The following ZBTB7C variants were observed in gnomAD, a reference collection of about 807,000 sequenced individuals.
ZBTB7C encodes zinc finger and BTB domain containing 7C.
In ZBTB7C, 8 loss-of-function variants were observed where a neutral mutation model predicts 25.7. The observed-to-expected ratio is 0.31, with a 90% CI of 0.18 to 0.56. The LOEUF is 0.56. ZBTB7C is among the 20% of genes least tolerant of loss of function. The pLI is 0.91. For synonymous variants in ZBTB7C, 394 were observed against 369.0 expected (o/e 1.07, Z -0.78); for missense variants, 824 against 855.2 (o/e 0.96, Z 0.46).
chr18:48,258,391 T>C (rs1157709365), intron 2 of ZBTB7C, among the ~76,000 whole-genome samples: 2 of 152,170 alleles, frequency 1.3e-5, no homozygotes, highest in South Asian at 2.1e-4. Flanking sequence ...ATATATAAGA[T>C]CAATGTATAA....
intron 2 of ZBTB7C, among the ~76,000 whole-genome samples, chr18:48,194,280 G>C (rs2145173906): frequency 6.6e-6 from 1 of 152,342 alleles, no homozygotes; most frequent in African/African-American, 2.4e-5. Context: ...AGACAGCCAG[G>C]GGAGGAGGGA....
chr18:48,196,171 A>G (rs1375842823), intron 2 of ZBTB7C, among the ~76,000 whole-genome samples: 1 of 152,166 alleles, frequency 6.6e-6, no homozygotes, highest in Non-Finnish European at 1.5e-5. Flanking sequence ...CAGACCTAGG[A>G]AGGCTACTTC....
chr18:48,042,100 C>G (rs2144170055), intron 3 of ZBTB7C, among the ~76,000 whole-genome samples: 1 of 152,294 alleles, frequency 6.6e-6, no homozygotes, highest in Middle Eastern at 3.4e-3. Context: ...TCAACTGGGA[C>G]AAAATGTGGC....
chr18:48,397,924 A>C (rs2048066948), intron 1 of ZBTB7C, among the ~76,000 whole-genome samples: 1 of 152,176 alleles, frequency 6.6e-6, no homozygotes, highest in Admixed American at 6.5e-5. Flanking sequence ...CTGTGGGATC[A>C]CAGCTTCCCT....
chr18:48,212,357 G>A lies in ZBTB7C; in HGVS notation c.-78-26362C>T, dbSNP rs551429761. 4.6e-5 allele frequency among the ~76,000 whole-genome samples: 7 copies of A among 152,262 alleles called. No homozygotes were observed. In the East Asian group the frequency reaches 1.3e-3, roughly 29 times the overall value. On this transcript the variant is annotated intron_variant, in intron 2 of 4. Coordinates refer to ENST00000590800, the MANE Select transcript of ZBTB7C (RefSeq NM_001318841.2). ...GAGGAATGAATAGGTGGAGCACAGA[G>A]GATGTTGAAAGCAGTGAAACTGCTC...
chr18:48,040,209 G>T lies in ZBTB7C; in HGVS notation c.899C>A (p.Pro300His). The T allele has an allele frequency of 6.4e-7, 1 of 1,571,280 alleles. No individual in the cohort carries two copies. Among genetic ancestry groups the T allele is most frequent in the South Asian group, 1.2e-5 (1 of 82,932 alleles). The part of the protein sequence containing the change: ...KEEEKEELPP[P>H]PPPPFPNDFF... ...GTCATTAGGGAAGGGTGGCGGTGGG[G>T]GTGGGGGCAGCTCCTCCTTCTCCTC... Residue 300 changes from proline (P) to histidine (H), a missense_variant, in exon 4 of 5, where the codon CCC becomes CAC. Pro to His is a moderately conservative substitution (Grantham distance 77, BLOSUM62 -2). Transcript: ENST00000590800.
chr18:48,304,050 G>A (rs1452424707), intron 2 of ZBTB7C, among the ~76,000 whole-genome samples: 1 of 152,110 alleles, frequency 6.6e-6, no homozygotes, highest in African/African-American at 2.4e-5. Flanking sequence ...CCAGCCCAGG[G>A]TCCCCTGGCA....
At chr18:48,238,305 C>G (rs941141651) in intron 2 of ZBTB7C, among the ~76,000 whole-genome samples, 3 of 152,214 alleles carry the variant, frequency 2.0e-5, no homozygotes, top group African/African-American at 7.2e-5. Context: ...AGCTCCCACT[C>G]GGATGGACAG....
chr18:48,170,135 G>A (rs2041419172), intron 3 of ZBTB7C, among the ~76,000 whole-genome samples: 1 of 152,240 alleles, frequency 6.6e-6, no homozygotes, highest in East Asian at 1.9e-4. Flanking sequence ...CATGGCCTGT[G>A]CATTGGGGTG....
chr18:48,079,449 C>A (rs536028114), intron 3 of ZBTB7C, among the ~76,000 whole-genome samples: 3 of 152,346 alleles, frequency 2.0e-5, no homozygotes, highest in Admixed American at 6.5e-5. Context: ...AAGAATCCTG[C>A]GGAACAAAGT....
chr18:48,128,606 G>A (rs2039883688), intron 3 of ZBTB7C, among the ~76,000 whole-genome samples: 1 of 152,218 alleles, frequency 6.6e-6, no homozygotes, highest in African/African-American at 2.4e-5. Flanking sequence ...ACTCAGGAAT[G>A]GAAAACCAAA....
At chr18:48,229,768 A>T (rs552306150) in intron 2 of ZBTB7C, among the ~76,000 whole-genome samples, 1 of 152,114 alleles carries the variant, frequency 6.6e-6, no homozygotes, top group East Asian at 1.9e-4. Context: ...GACGTGGGGG[A>T]GTTGGACAGC....
At chr18:48,282,526 A>G (rs2044895260) in intron 2 of ZBTB7C, among the ~76,000 whole-genome samples, 1 of 152,204 alleles carries the variant, frequency 6.6e-6, no homozygotes, top group African/African-American at 2.4e-5. Flanking sequence ...AGCTAACACA[A>G]ATGTTTACAA....
chr18:48,319,112 C>CTGTGTG lies in ZBTB7C; in HGVS notation c.-79+19056_-79+19061dup, dbSNP rs143825394. Among the ~76,000 whole-genome samples, 836 of 147,458 alleles carry CTGTGTG rather than the reference C, an allele frequency of 5.7e-3. 6 individuals are homozygous for CTGTGTG. Among genetic ancestry groups the CTGTGTG allele is most frequent in the African/African-American group, 0.018 (727 of 40,048 alleles). On this transcript the variant is annotated intron_variant, in intron 2 of 4. Transcript: ENST00000590800. ...ATTCATGAACGATGCCAGAATGCCT[C>CTGTGTG]TGTGTGTGTGTGTGTGTGTGTGTGT...
chr18:48,127,117 G>A (rs956062012), intron 3 of ZBTB7C, among the ~76,000 whole-genome samples: 3 of 152,136 alleles, frequency 2.0e-5, no homozygotes, highest in African/African-American at 7.2e-5. Flanking sequence ...AACCCTAGGA[G>A]GCTCCATCCC....
chr18:48,293,588 C>T (rs565981184), intron 2 of ZBTB7C, among the ~76,000 whole-genome samples: 2 of 152,108 alleles, frequency 1.3e-5, no homozygotes, highest in Admixed American at 6.5e-5. Flanking sequence ...CCCAAATAGG[C>T]GCGATGGTAA....
rs1001283990 is a variant in ZBTB7C at position 48,164,252 on chromosome 18, T to C, written c.-17+21682A>G. Among the ~76,000 whole-genome samples the C allele has an allele frequency of 3.9e-5, 6 of 152,294 alleles. No individual in the cohort carries two copies. In the East Asian group the frequency reaches 1.2e-3, roughly 29 times the overall value. ...TATGCACAAGGGCTTGCTCCTGGAC[T>C]CACAGGCAGGCATGTTCCCGGTCCC... is the stretch of plus-strand genomic sequence containing the variant. On this transcript the variant is annotated intron_variant, in intron 3 of 4. Coordinates refer to ENST00000590800, the MANE Select transcript of ZBTB7C (RefSeq NM_001318841.2).
chr18:48,039,790 G>A (rs955588707), intron 4 of ZBTB7C, 110 bp downstream of exon 4: 3 of 1,158,132 alleles, frequency 2.6e-6, no homozygotes, highest in Non-Finnish European at 3.8e-6. Flanking sequence ...GCCTGCATGT[G>A]TGTGGGATCT....
At chr18:48,277,402 A>G (rs980507283) in intron 2 of ZBTB7C, among the ~76,000 whole-genome samples, 10 of 152,008 alleles carry the variant, frequency 6.6e-5, no homozygotes, top group African/African-American at 2.4e-4. Flanking sequence ...AAAAATGCTC[A>G]TCATCACTGG....
Sources: allele counts gnomAD v4.1 joint callset (sites outside exome capture counted in the v4.1 genomes callset), GRCh38; gene constraint gnomAD v4.1.1; transcripts MANE v1.5; gene names NCBI Gene and HGNC (gene_info 2026-07-23, HGNC 2026-07-21).